LIMS4: variants seen among roughly 807,000 people sequenced by gnomAD.
LIMS4 encodes LIM zinc finger domain containing 4.
At chr2:110,359,292 T>TAAA in the LIMS4 span, among the ~76,000 whole-genome samples, 296 of 111,872 alleles carry the variant, frequency 2.6e-3, no homozygotes, top group Non-Finnish European at 3.6e-3. Context: ...TTCCTTTTCT[T>TAAA]AAAAAAAAAA....
the LIMS4 span, chr2:110,361,052 T>C: frequency 7.9e-7 from 1 of 1,259,602 alleles, no homozygotes; most frequent in South Asian, 1.2e-5. Context: ...AGGCCTGAAC[T>C]CCAGAACCGG....
At chr2:110,411,607 C>T in the LIMS4 span, among the ~76,000 whole-genome samples, 1 of 133,780 alleles carries the variant, frequency 7.5e-6, no homozygotes, top group South Asian at 2.4e-4. Flanking sequence ...CTTCATATGC[C>T]CTCCAGGTAG....
the LIMS4 span, among the ~76,000 whole-genome samples, chr2:110,382,041 T>C: frequency 7.1e-5 from 4 of 56,166 alleles, no homozygotes; most frequent in Non-Finnish European, 1.1e-4. Context: ...CACTCCAGCC[T>C]GGCAACAGAG....
chr2:110,364,523 CT>C, the LIMS4 span, among the ~76,000 whole-genome samples: 2 of 16,242 alleles, frequency 1.2e-4, no homozygotes, highest in Admixed American at 6.2e-4. Context: ...AAAAACTCAT[CT>C]CTATAAAAAA....
At chr2:110,359,677 A>T in the LIMS4 span, among the ~76,000 whole-genome samples, 2 of 102,388 alleles carry the variant, frequency 2.0e-5, no homozygotes, top group Non-Finnish European at 3.9e-5. Context: ...ATCAAGAGCC[A>T]GAGAAATACT....
At chr2:110,387,842 G>C in the LIMS4 span, 2 of 152,360 alleles carry the variant, frequency 1.3e-5, no homozygotes, top group East Asian at 3.8e-4. Flanking sequence ...ATTTTATCAG[G>C]ATTTTTTTTT....
At chr2:110,361,464 AT>A in the LIMS4 span, 3 of 664,186 alleles carry the variant, frequency 4.5e-6, no homozygotes, top group Middle Eastern at 4.1e-4. Context: ...GTTTCCACTG[AT>A]TTTTTTCAAA....
the LIMS4 span, among the ~76,000 whole-genome samples, chr2:110,411,353 G>A: frequency 7.2e-5 from 10 of 139,298 alleles, no homozygotes; most frequent in Non-Finnish European, 1.4e-4. Context: ...AAAATGCCTC[G>A]CATCAGCAAG....
At chr2:110,442,701 C>CGTT (rs1227262112), downstream of LIMS4, among the ~76,000 whole-genome samples, 3 of 150,610 alleles carry the variant, frequency 2.0e-5, no homozygotes, top group East Asian at 2.0e-4. Flanking sequence ...TTGTTGTTGT[C>CGTT]GTTGTTGTTG....
At chr2:110,386,987 G>A in the LIMS4 span, 43 of 608,650 alleles carry the variant, frequency 7.1e-5, no homozygotes, top group African/African-American at 1.7e-4. Flanking sequence ...GGCCCACTCC[G>A]GCCTCATGCA....
At chr2:110,372,032 G>A in the LIMS4 span, among the ~76,000 whole-genome samples, 68 of 151,272 alleles carry the variant, frequency 4.5e-4, no homozygotes, top group African/African-American at 1.6e-3. Flanking sequence ...GTGATCCCCC[G>A]AGAGAGTGGA....
chr2:110,442,894 T>A (rs1688164922), downstream of LIMS4, among the ~76,000 whole-genome samples: 1 of 152,232 alleles, frequency 6.6e-6, no homozygotes, highest in Non-Finnish European at 1.5e-5. Context: ...AGACAGGATT[T>A]CGCCACGTTG....
At chr2:110,361,060 C>T in the LIMS4 span, 30 of 1,121,364 alleles carry the variant, frequency 2.7e-5, no homozygotes, top group Non-Finnish European at 3.4e-5. Context: ...ACTCCAGAAC[C>T]GGTTCTTTCA....
the LIMS4 span, among the ~76,000 whole-genome samples, chr2:110,366,018 G>C: frequency 6.6e-6 from 1 of 151,278 alleles, no homozygotes; most frequent in Non-Finnish European, 1.5e-5. Flanking sequence ...TTTTGAAATT[G>C]AATCAGTAAT....
intron 3 of LIMS4, among the ~76,000 whole-genome samples, chr2:110,456,370 GC>G (rs1215432861): frequency 1.5e-5 from 2 of 133,694 alleles, no homozygotes; most frequent in African/African-American, 6.2e-5. Context: ...GCATCCCTAA[GC>G]TTCTGAAGCA....
At chr2:110,359,296 A>AAG in the LIMS4 span, among the ~76,000 whole-genome samples, 2 of 133,516 alleles carry the variant, frequency 1.5e-5, no homozygotes, top group Non-Finnish European at 3.1e-5. Flanking sequence ...TTTTCTTAAA[A>AAG]AAAAAAGTAC....
the LIMS4 span, among the ~76,000 whole-genome samples, chr2:110,379,087 A>T: frequency 6.7e-6 from 1 of 148,724 alleles, no homozygotes; most frequent in South Asian, 2.1e-4. Flanking sequence ...ACAAAGTTGG[A>T]GTAGGCTAAA....
chr2:110,361,140 T>C, the LIMS4 span: 4 of 956,328 alleles, frequency 4.2e-6, no homozygotes, highest in East Asian at 4.9e-5. Flanking sequence ...ATGGCGTCTA[T>C]CATTTCTTTC....
chr2:110,367,676 A>G, the LIMS4 span, among the ~76,000 whole-genome samples: 1 of 146,598 alleles, frequency 6.8e-6, no homozygotes, highest in East Asian at 2.0e-4. Flanking sequence ...AAGGAGTTCA[A>G]GACCAGCCTG....
Sources: allele counts gnomAD v4.1 joint callset (sites outside exome capture counted in the v4.1 genomes callset), GRCh38; gene constraint gnomAD v4.1.1; transcripts MANE v1.5; gene names NCBI Gene and HGNC (gene_info 2026-07-23, HGNC 2026-07-21).